Variants in SIRT2 observed in about 807,000 individuals in gnomAD.
SIRT2 encodes the protein sirtuin 2.
A neutral mutation model predicts 57.4 loss-of-function variants in SIRT2; 40 were observed. The observed-to-expected ratio is 0.70, with a 90% CI of 0.54 to 0.91. The LOEUF (loss-of-function observed/expected upper bound fraction) is 0.91. Ranked by LOEUF, SIRT2 falls within the 40% of genes least tolerant of loss-of-function variation. SIRT2 has a pLI of 0.00. For missense variants in SIRT2, 439 were observed against 510.4 expected (o/e 0.86, Z 1.35); for synonymous variants, 161 against 195.7 (o/e 0.82, Z 1.48).
intron 9 of SIRT2, among the ~76,000 whole-genome samples, chr19:38,882,827 G>A (rs1042365037): frequency 2.0e-5 from 3 of 152,022 alleles, no homozygotes; most frequent in Admixed American, 1.3e-4. Flanking sequence ...TGCCTGTGAC[G>A]CTGCTGTCAA....
chr19:38,881,937 C>T (rs1482254683), intron 9 of SIRT2, among the ~76,000 whole-genome samples: 2 of 151,936 alleles, frequency 1.3e-5, no homozygotes, highest in African/African-American at 2.4e-5. Flanking sequence ...AATCTGCCCA[C>T]TTTGGCTTCT....
At chr19:38,897,369 A>G (rs1600132536) in intron 2 of SIRT2, among the ~76,000 whole-genome samples, 1 of 152,072 alleles carries the variant, frequency 6.6e-6, no homozygotes, top group East Asian at 1.9e-4. Context: ...GTCTAAGAAA[A>G]TTCTAAGTCA....
At position 38,890,087 on chromosome 19, in the gene SIRT2, G is replaced by T. The variant is rs191539130; in HGVS notation, c.268+16C>A. Reference sequence around the variant, plus strand: ...CAGTTCCTGGGGGTAGCTGCTGGGGGAGAAGGGTTACTTACATGTGGAGAT... The same window carrying T: ...CAGTTCCTGGGGGTAGCTGCTGGGGTAGAAGGGTTACTTACATGTGGAGAT... On this transcript the variant is annotated intron_variant, in intron 5 of 15. Coordinates refer to ENST00000249396, the MANE Select transcript of SIRT2 (RefSeq NM_012237.4). 1.9e-6 allele frequency: 3 copies of T among 1,614,188 alleles called. No homozygotes were observed. The highest frequency in any genetic ancestry group is 2.2e-5 in the East Asian group (1 of 44,876).
intron 8 of SIRT2, among the ~76,000 whole-genome samples, chr19:38,884,695 C>T (rs554999154): frequency 6.6e-6 from 1 of 152,206 alleles, no homozygotes; most frequent in Admixed American, 6.5e-5. Context: ...GATTTGCTTG[C>T]CTCGGCCTCC....
chr19:38,896,705 C>T (rs998342599), intron 2 of SIRT2, among the ~76,000 whole-genome samples: 1 of 152,196 alleles, frequency 6.6e-6, no homozygotes, highest in East Asian at 1.9e-4. Context: ...TTTTCTCTGA[C>T]AGTGGTCGTG....
At chr19:38,884,629 A>C (rs924088690) in intron 8 of SIRT2, among the ~76,000 whole-genome samples, 1 of 151,860 alleles carries the variant, frequency 6.6e-6, no homozygotes, top group Admixed American at 6.6e-5. Flanking sequence ...TTGTATTTTT[A>C]GTAGAGATGG....
chr19:38,889,819 C>A lies in SIRT2; in HGVS notation c.375+36G>T, dbSNP rs201226287. On this transcript the variant is annotated intron_variant, in intron 6 of 15. Transcript: ENST00000249396. ...TTGGAGCCAGGTGACCCCATCCCCA[C>A]CCCTCACAGACGCCCCTTCCTGGGG... 26 of 1,612,148 alleles carry A rather than the reference C, an allele frequency of 1.6e-5. No individual in the cohort carries two copies. The Admixed American group carries it at 4.2e-4, about 26-fold the overall frequency.
At chr19:38,894,107 T>G (rs544235537) in intron 2 of SIRT2, 15 of 720,540 alleles carry the variant, frequency 2.1e-5, no homozygotes, top group Middle Eastern at 4.2e-4. Context: ...GCTTTGCTTT[T>G]CTTTTTTGAG....
rs201193435 is a variant in SIRT2 at position 38,898,409 on chromosome 19, C to T, written c.33G>A (p.Glu11=). 1 of 1,553,794 alleles carries T rather than the reference C, an allele frequency of 6.4e-7. No individual in the cohort carries two copies. Among genetic ancestry groups the T allele is most frequent in the South Asian group, 1.2e-5 (1 of 83,698 alleles). Residue 11 remains glutamate (E), a synonymous_variant, in exon 2 of 16, where the codon GAG becomes GAA. Coordinates refer to ENST00000249396, the MANE Select transcript of SIRT2 (RefSeq NM_012237.4). The part of the protein sequence containing the change: MAEPDPSHPL[E]TQAGKVQEAQ... The stretch of plus-strand genomic sequence containing the variant: ...CCTCCTGCACCTTCCCTGCCTGGGT[C>T]TCCAGAGGGTGAGAGGCTGGGGGAG...
intron 14 of SIRT2, 60 bp downstream of exon 14, chr19:38,879,572 C>A (rs751483994): frequency 2.3e-5 from 36 of 1,553,326 alleles, no homozygotes; most frequent in Non-Finnish European, 3.0e-5. Flanking sequence ...TGCCTTCGTG[C>A]CCCCGCTCCC....
chr19:38,896,979 A>G (rs1973736826), intron 2 of SIRT2, among the ~76,000 whole-genome samples: 2 of 152,268 alleles, frequency 1.3e-5, no homozygotes, highest in South Asian at 4.1e-4. Flanking sequence ...TCAAGCTCCT[A>G]TGAGACTGCC....
rs200563255 is a variant in SIRT2, at chr19:38,893,421, G to T, written c.219C>A (p.Ser73Arg). The T allele has an allele frequency of 3.1e-6, 5 of 1,610,004 alleles. No homozygotes were observed. The highest frequency in any genetic ancestry group is 4.3e-6 in the Non-Finnish European group (5 of 1,176,382). ...TCCTGACAGGGGACTCACAGCGTTCGCTCTGCATGTACCGGGCCACCCCTT... is the reference window on the plus strand; with the variant it reads ...TCCTGACAGGGGACTCACAGCGTTCTCTCTGCATGTACCGGGCCACCCCTT... The part of the protein sequence containing the change: ...TLEGVARYMQ[S>R]ERCRRVICLV... The change falls in exon 4 of 16, where the codon AGC (serine) becomes AGA (arginine). Residue 73 changes from serine (S) to arginine (R), a missense_variant. Coordinates refer to ENST00000249396, the MANE Select transcript of SIRT2 (RefSeq NM_012237.4).
chr19:38,889,019 C>A, intron 8 of SIRT2, 68 bp downstream of exon 8: 1 of 1,459,534 alleles, frequency 6.9e-7, no homozygotes, highest in Non-Finnish European at 9.5e-7. Context: ...CAGCTCTGCT[C>A]CTCTGCTGAG....
chr19:38,898,973 A>G (rs1314590514), intron 1 of SIRT2: 1 of 177,372 alleles, frequency 5.6e-6, no homozygotes, highest in Non-Finnish European at 1.2e-5. Context: ...AGGACACGAC[A>G]GTGTGTGAGT....
rs533870086 is a variant in SIRT2 at position 38,883,907 on chromosome 19, C to T, written c.502-151G>A. On this transcript the variant is annotated intron_variant, in intron 8 of 15. Coordinates refer to ENST00000249396, the MANE Select transcript of SIRT2 (RefSeq NM_012237.4). ...AGGAGAAGCAAGTGGCAGGGTTTAT[C>T]TGAAGACTCTTCTGTTCATCCCAAT... 9 of 758,626 alleles carry T rather than the reference C, an allele frequency of 1.2e-5. No individual in the cohort carries two copies. The South Asian group carries it at 1.5e-4, about 13-fold the overall frequency. 47.0% of individuals were successfully genotyped at this position (758,626 alleles called of 1,614,324 possible).
rs112437333 is a variant in SIRT2, at chr19:38,881,067, T to C, written c.747+33A>G. ...GGCCCAGCACAGGTGGAGGCGGCGG[T>C]TGGGGATGCGGGGAGGCTGGGGGGC... On this transcript the variant is annotated intron_variant, in intron 11 of 15. Coordinates refer to ENST00000249396, the MANE Select transcript of SIRT2 (RefSeq NM_012237.4). The C allele has an allele frequency of 2.4e-5, 38 of 1,606,132 alleles. No homozygotes were observed. The African/African-American group carries it at 2.4e-4, about 10-fold the overall frequency.
Position 38,880,821 on chromosome 19 carries a change from T to C in SIRT2, c.824A>G (p.Lys275Arg), listed in dbSNP as rs1391350028. Residue 275 changes from lysine to arginine, a missense_variant and splice_region_variant, in exon 12 of 16, where the codon AAG becomes AGG. By Grantham distance (26) the Lys-to-Arg change is conservative. Transcript: ENST00000249396. The surrounding 1 kb of genome is among the most constrained non-coding windows in gnomAD (Gnocchi z 4.1). The part of the protein sequence containing the change: ...QVQPFASLIS[K>R]APLSTPRLLI... ...CTCCCAGCCACAGCCCCCAACCTAC[T>C]TGCTGATGAGGGAGGCAAAGGGCTG... 6.2e-7 allele frequency: 1 copy of C among 1,613,686 alleles called. No individual in the cohort carries two copies. Among genetic ancestry groups the C allele is most frequent in the Non-Finnish European group, 8.5e-7 (1 of 1,179,920 alleles).
At chr19:38,881,314 C>A in intron 10 of SIRT2, 118 bp downstream of exon 10, 1 of 1,183,368 alleles carries the variant, frequency 8.5e-7, no homozygotes, top group Non-Finnish European at 1.2e-6. Flanking sequence ...ATCTGGGGCA[C>A]TGTTCAGAGA....
Position 38,898,402 on chromosome 19 carries a change from C to A in SIRT2, c.40G>T (p.Ala14Ser). The change falls in exon 2 of 16, where the codon GCA (alanine) becomes TCA (serine). Residue 14 changes from alanine (A) to serine (S), a missense_variant. By Grantham distance (99) the Ala-to-Ser change is moderately conservative. Transcript: ENST00000249396. The part of the protein sequence containing the change: ...PDPSHPLETQ[A>S]GKVQEAQDSD... ...ACCTGAGCCTCCTGCACCTTCCCTG[C>A]CTGGGTCTCCAGAGGGTGAGAGGCT... 1 of 1,554,616 alleles carries A rather than the reference C, an allele frequency of 6.4e-7. No individual in the cohort carries two copies. Among genetic ancestry groups the A allele is most frequent in the Non-Finnish European group, 8.8e-7 (1 of 1,142,580 alleles).
Sources: gnomAD v4.1 joint callset for allele counts (sites outside exome capture counted in the v4.1 genomes callset) on GRCh38, gnomAD v4.1.1 for gene constraint, Gnocchi (gnomAD v3.1) non-coding constraint, MANE v1.5 for transcripts, NCBI Gene and HGNC (gene_info 2026-07-23, HGNC 2026-07-21) for gene names.